CDH17: variants seen among roughly 807,000 people sequenced by gnomAD.
CDH17 encodes the protein cadherin-17.
Under a neutral mutation model 86.3 loss-of-function variants are expected in CDH17, and 67 were observed. The ratio of observed to expected loss-of-function variants is 0.78; its 90% CI spans 0.64 to 0.95. The LOEUF is 0.95. Ranked by LOEUF, CDH17 falls within the 40% of genes least tolerant of loss-of-function variation. The pLI, the probability that CDH17 is intolerant of heterozygous loss-of-function variation, is 0.00. For missense variants in CDH17, 993 were observed against 1,017.6 expected (o/e 0.98, Z 0.33); for synonymous variants, 367 against 366.4 (o/e 1.00, Z -0.02).
intron 1 of CDH17, chr8:94,197,468 G>C (rs376319297): frequency 1.3e-5 from 2 of 152,348 alleles, no homozygotes. Context: ...TGTGGCTATG[G>C]ATATACTACT....
intron 15 of CDH17, among the ~76,000 whole-genome samples, chr8:94,141,377 G>A (rs1271903985): frequency 6.6e-6 from 1 of 151,856 alleles, no homozygotes; most frequent in East Asian, 1.9e-4. Flanking sequence ...ATGGTGAAAG[G>A]CTAAATGCTT....
chr8:94,180,943 C>T (rs796921186), intron 3 of CDH17, among the ~76,000 whole-genome samples: 2 of 69,782 alleles, frequency 2.9e-5, no homozygotes, highest in African/African-American at 9.1e-5. Context: ...ACAAACAAAC[C>T]AAAAAAAAAA....
At chr8:94,196,655 TCA>T (rs1001816096) in intron 1 of CDH17, among the ~76,000 whole-genome samples, 50 of 152,276 alleles carry the variant, frequency 3.3e-4, no homozygotes, top group African/African-American at 1.2e-3. Flanking sequence ...AAGAGAGTCC[TCA>T]GTAAGGTTTC....
rs1203834893 is a variant in CDH17 at position 94,176,634 on chromosome 8, G to A, written c.331C>T (p.Pro111Ser). 1 of 1,613,402 alleles carries A rather than the reference G, an allele frequency of 6.2e-7. No individual in the cohort carries two copies. The highest frequency in any genetic ancestry group is 8.5e-7 in the Non-Finnish European group (1 of 1,179,670). ...ANGIIVEGPV[P>S]ITIKVKDIND... ...ATGTCCTTCACTTTTATGGTGATAG[G>A]GACTGGACCCTCCACTATAATTCCA... Residue 111 changes from proline (P) to serine (S), a missense_variant, in exon 5 of 18, where the codon CCT becomes TCT. By Grantham distance (74) the Pro-to-Ser change is moderately conservative. Transcript: ENST00000027335.
At chr8:94,206,884 G>A (rs1482156833) in intron 1 of CDH17, among the ~76,000 whole-genome samples, 3 of 151,980 alleles carry the variant, frequency 2.0e-5, no homozygotes, top group South Asian at 2.1e-4. Flanking sequence ...CAGCACAAGC[G>A]GTTCTCCCTC....
chr8:94,213,401 C>T (rs1005927934), upstream of CDH17, among the ~76,000 whole-genome samples: 3 of 152,202 alleles, frequency 2.0e-5, no homozygotes, highest in Non-Finnish European at 2.9e-5. Flanking sequence ...TTAATTACCC[C>T]ACCATGTAGA....
chr8:94,163,465 C>T (rs996461574), intron 10 of CDH17, among the ~76,000 whole-genome samples: 1 of 152,152 alleles, frequency 6.6e-6, no homozygotes, highest in Non-Finnish European at 1.5e-5. Flanking sequence ...GGTGTCACGC[C>T]CCCGTTGCCA....
At chr8:94,192,437 T>C (rs535539814) in intron 2 of CDH17, among the ~76,000 whole-genome samples, 1 of 152,174 alleles carries the variant, frequency 6.6e-6, no homozygotes, top group Non-Finnish European at 1.5e-5. Flanking sequence ...TGGGACTTGA[T>C]CACCACAAGA....
chr8:94,186,462 T>C (rs1813582523), intron 3 of CDH17, among the ~76,000 whole-genome samples: 1 of 152,184 alleles, frequency 6.6e-6, no homozygotes, highest in Non-Finnish European at 1.5e-5. Context: ...ACTGCACCTT[T>C]CATGTGTCCT....
upstream of CDH17, among the ~76,000 whole-genome samples, chr8:94,213,062 G>A (rs1218067143): frequency 6.6e-6 from 1 of 152,164 alleles, no homozygotes; most frequent in African/African-American, 2.4e-5. Flanking sequence ...CTGCAGCCTC[G>A]ACTTCCTGGG....
intron 15 of CDH17, among the ~76,000 whole-genome samples, chr8:94,141,056 T>C (rs1195060294): frequency 6.6e-6 from 1 of 152,082 alleles, no homozygotes; most frequent in East Asian, 1.9e-4. Context: ...CCCTCATGAA[T>C]ATAGATGCAA....
intron 7 of CDH17, among the ~76,000 whole-genome samples, chr8:94,173,057 T>A (rs950104342): frequency 2.6e-5 from 4 of 152,132 alleles, no homozygotes; most frequent in African/African-American, 7.2e-5. Flanking sequence ...TGTCCATACA[T>A]AGTGCACCAT....
chr8:94,190,278 C>A (rs1813661908), intron 2 of CDH17, among the ~76,000 whole-genome samples: 1 of 152,216 alleles, frequency 6.6e-6, no homozygotes, highest in Admixed American at 6.5e-5. Context: ...TGCACCAGCA[C>A]CCACCAGAGC....
intron 3 of CDH17, among the ~76,000 whole-genome samples, chr8:94,182,712 G>T (rs1813507051): frequency 6.6e-6 from 1 of 151,978 alleles, no homozygotes; most frequent in South Asian, 2.1e-4. Flanking sequence ...ACAAGACAAG[G>T]ATACTCAATC....
chr8:94,146,031 G>A lies in CDH17; in HGVS notation c.2064C>T (p.Phe688=), dbSNP rs2251734. ...AGTGCTGATCATCATCAGTAGCCTC[G>A]AAAATGAGACTTCCAGGTGCACTGA... is the stretch of plus-strand genomic sequence containing the variant. ...HPLSAPGSLI[F]EATDDDQHLF... The change falls in exon 15 of 18, where the codon TTC becomes TTT. Residue 688 remains phenylalanine (F), a synonymous_variant. Transcript: ENST00000027335. 0.29 allele frequency: 462,269 copies of A among 1,612,980 alleles called. 68,566 individuals are homozygous for A. The highest frequency in any genetic ancestry group is 0.43 in the African/African-American group (31,922 of 74,802).
chr8:94,131,843 A>G lies in CDH17; in HGVS notation c.2168-851T>C, dbSNP rs527788583. On this transcript the variant is annotated intron_variant, in intron 15 of 17. Transcript: ENST00000027335. ...TCCTCCCCCAGACCCCCACCCCCTG[A>G]CAGGCTCTGGTGTGTGATGTTCCCC... Among the ~76,000 whole-genome samples the G allele has an allele frequency of 2.0e-5, 3 of 152,180 alleles. No homozygotes were observed. The East Asian group carries it at 5.8e-4, about 29-fold the overall frequency.
At chr8:94,135,996 G>A (rs1812516032) in intron 15 of CDH17, among the ~76,000 whole-genome samples, 1 of 152,168 alleles carries the variant, frequency 6.6e-6, no homozygotes, top group South Asian at 2.1e-4. Context: ...CTCTCTTCTG[G>A]CTTGTAGGGT....
chr8:94,217,107 C>CA (rs1421122807), intron 1 of CDH17: 1 of 150,838 alleles, frequency 6.6e-6, no homozygotes, highest in East Asian at 1.9e-4. Flanking sequence ...GGATCTGATT[C>CA]AAAAAATAAT....
chr8:94,172,387 C>T (rs538852047), intron 7 of CDH17, among the ~76,000 whole-genome samples: 1 of 151,972 alleles, frequency 6.6e-6, no homozygotes, highest in African/African-American at 2.4e-5. Context: ...CTGGGCCCAT[C>T]CCAATAAATA....
Sources: allele counts gnomAD v4.1 joint callset (sites outside exome capture counted in the v4.1 genomes callset), GRCh38; gene constraint gnomAD v4.1.1; transcripts MANE v1.5; gene names NCBI Gene and HGNC (gene_info 2026-07-23, HGNC 2026-07-21).